OR51B5: variants seen among roughly 807,000 people sequenced by gnomAD.
OR51B5 encodes olfactory receptor 51B5.
For synonymous variants in OR51B5, 186 were observed against 144.8 expected, an observed-to-expected ratio of 1.28 and a Z score of -2.04; for missense variants, 456 against 374.6, an observed-to-expected ratio of 1.22 and a Z score of -1.79.
intron 1 of OR51B5, chr11:5,392,409 C>A (rs1321619562): frequency 1.3e-5 from 2 of 152,098 alleles, no homozygotes; most frequent in African/African-American, 4.8e-5. Flanking sequence ...GAATGGGGTA[C>A]AAAAAATTTA....
intron 1 of OR51B5, chr11:5,403,037 C>T (rs1441059408): frequency 2.1e-6 from 1 of 471,620 alleles, no homozygotes; most frequent in Admixed American, 2.3e-5. Flanking sequence ...GTCTTTGGCA[C>T]AGGAGCTATT....
chr11:5,425,041 T>G (rs1288436108), intron 1 of OR51B5, among the ~76,000 whole-genome samples: 1 of 124,812 alleles, frequency 8.0e-6, no homozygotes, highest in East Asian at 2.0e-4. Context: ...TCTCTTTCTC[T>G]TCCTACATCC....
At chr11:5,414,990 C>G (rs568837302) in intron 1 of OR51B5, among the ~76,000 whole-genome samples, 1 of 152,058 alleles carries the variant, frequency 6.6e-6, no homozygotes, top group Admixed American at 6.6e-5. Flanking sequence ...CAGCACCACA[C>G]CACACCTATT....
intron 1 of OR51B5, among the ~76,000 whole-genome samples, chr11:5,457,356 C>T (rs1170765894): frequency 6.6e-6 from 1 of 152,132 alleles, no homozygotes; most frequent in East Asian, 1.9e-4. Flanking sequence ...ATATATGTAC[C>T]ACATTTTCTT....
chr11:5,407,961 T>C (rs1850084432), intron 1 of OR51B5, among the ~76,000 whole-genome samples: 1 of 152,150 alleles, frequency 6.6e-6, no homozygotes, highest in African/African-American at 2.4e-5. Flanking sequence ...TGAGAGAATA[T>C]ATTTTGAAAA....
chr11:5,403,198 G>A (rs201970129), intron 1 of OR51B5: 181 of 471,114 alleles, frequency 3.8e-4, no homozygotes, highest in Non-Finnish European at 7.5e-4. Context: ...AATATCTATG[G>A]GATTTTCATT....
intron 1 of OR51B5, among the ~76,000 whole-genome samples, chr11:5,445,029 TTACA>T (rs948644354): frequency 6.6e-6 from 1 of 152,180 alleles, no homozygotes; most frequent in Non-Finnish European, 1.5e-5. Context: ...TCATTCAAAT[TTACA>T]TACATACAAA....
intron 1 of OR51B5, among the ~76,000 whole-genome samples, chr11:5,439,895 T>C (rs1016655926): frequency 4.6e-5 from 7 of 152,302 alleles, no homozygotes; most frequent in African/African-American, 1.4e-4. Flanking sequence ...TGTTTCTCTA[T>C]AAAGCTACCA....
chr11:5,433,334 A>G (rs1029642402), intron 1 of OR51B5, among the ~76,000 whole-genome samples: 1 of 152,236 alleles, frequency 6.6e-6, no homozygotes, highest in Admixed American at 6.5e-5. Context: ...AATATAACAA[A>G]TTAAATTTAT....
chr11:5,394,894 A>G (rs1469219425), intron 1 of OR51B5, among the ~76,000 whole-genome samples: 1 of 152,208 alleles, frequency 6.6e-6, no homozygotes, highest in Non-Finnish European at 1.5e-5. Flanking sequence ...ATACTTGCTC[A>G]GTGAATGACA....
chr11:5,438,312 T>C (rs1453250664), intron 1 of OR51B5, among the ~76,000 whole-genome samples: 1 of 150,532 alleles, frequency 6.6e-6, no homozygotes, highest in Non-Finnish European at 1.5e-5. Context: ...TCCTTCCTTA[T>C]AATGAAGAAG....
chr11:5,369,808 G>T lies in OR51B5; in HGVS notation n.85-22898C>A, dbSNP rs374164179. ...TTTCCATGATGCCACACTAAAATCA[G>T]TGCTGCTTGTCTGCATTTTTGTGTT... On this transcript the variant is annotated intron_variant and non_coding_transcript_variant, in intron 1 of 4. Transcript: ENST00000415970. 3.3e-5 allele frequency among the ~76,000 whole-genome samples: 5 copies of T among 152,250 alleles called. No homozygotes were observed. In the South Asian group the frequency reaches 1.0e-3, roughly 32 times the overall value.
chr11:5,428,199 C>T (rs576897215), intron 1 of OR51B5, among the ~76,000 whole-genome samples: 5 of 152,096 alleles, frequency 3.3e-5, no homozygotes, highest in African/African-American at 1.2e-4. Context: ...TCTGAATATT[C>T]TTGAGAAGAT....
At chr11:5,474,843 A>C (rs1374341998) in intron 1 of OR51B5, among the ~76,000 whole-genome samples, 3 of 152,204 alleles carry the variant, frequency 2.0e-5, no homozygotes, top group Non-Finnish European at 1.5e-5. Flanking sequence ...ACAACAGGCT[A>C]AACAAATAAT....
chr11:5,483,807 G>A (rs768222834), intron 1 of OR51B5, among the ~76,000 whole-genome samples: 34 of 152,050 alleles, frequency 2.2e-4, no homozygotes, highest in African/African-American at 7.0e-4. Context: ...AAATAACCCC[G>A]TTTACCAATC....
At chr11:5,387,906 G>A (rs1376553590) in intron 1 of OR51B5, among the ~76,000 whole-genome samples, 2 of 152,080 alleles carry the variant, frequency 1.3e-5, no homozygotes, top group African/African-American at 4.8e-5. Context: ...CAGTATGTAT[G>A]TATGTGTTTA....
At chr11:5,352,229 C>T in intron 1 of OR51B5, 1 of 1,614,184 alleles carries the variant, frequency 6.2e-7, no homozygotes, top group Non-Finnish European at 8.5e-7. Context: ...ACATGTGTCT[C>T]TCATATCTGC....
At chr11:5,342,776 T>A in exon 1 of OR51B5, 1 of 1,613,532 alleles carries the variant, frequency 6.2e-7, no homozygotes, top group African/African-American at 1.3e-5. Flanking sequence ...CACTGTGACA[T>A]AAAAAACCAG....
At chr11:5,421,891 G>A (rs1352175583) in intron 1 of OR51B5, among the ~76,000 whole-genome samples, 1 of 152,196 alleles carries the variant, frequency 6.6e-6, no homozygotes, top group Non-Finnish European at 1.5e-5. Context: ...TGTATGAAAG[G>A]CTGATTTAAA....
Sources: gnomAD v4.1 joint callset for allele counts (sites outside exome capture counted in the v4.1 genomes callset) on GRCh38, gnomAD v4.1.1 for gene constraint, MANE v1.5 for transcripts, NCBI Gene and HGNC (gene_info 2026-07-23, HGNC 2026-07-21) for gene names.